STK26: variants seen among roughly 807,000 people sequenced by gnomAD.
STK26 encodes the protein serine/threonine kinase 26.
In STK26, 14 loss-of-function variants were observed where a neutral mutation model predicts 34.7. The ratio of observed to expected loss-of-function variants is 0.40; its 90% CI spans 0.27 to 0.63. The LOEUF is 0.63. Ranked by LOEUF, STK26 falls within the 30% of genes least tolerant of loss-of-function variation. The pLI is 0.38. For synonymous variants in STK26, 100 were observed against 109.8 expected (o/e 0.91, Z 0.56); for missense variants, 226 against 309.1 (o/e 0.73, Z 2.02).
At chrX:132,068,855 C>T (rs1047611314) in intron 6 of STK26, among the ~76,000 whole-genome samples, 1 of 111,013 alleles carries the variant, frequency 9.0e-6, no homozygotes, top group Non-Finnish European at 1.9e-5. Context: ...CCAGTCTTAT[C>T]TCCTACCACT....
rs142298324 is a variant in STK26, at chrX:132,030,463, G to C, written c.42+6804G>C. Among the ~76,000 whole-genome samples the C allele has an allele frequency of 7.3e-4, 81 of 111,305 alleles. No individual in the cohort carries two copies. The East Asian group carries it at 0.018, about 24-fold the overall frequency. On this transcript the variant is annotated intron_variant, in intron 2 of 11. Coordinates refer to ENST00000394334, the MANE Select transcript of STK26 (RefSeq NM_016542.4). Reference sequence around the variant, plus strand: ...TAAAAAACTGTTTTACTTCCTGTCTGAACTGTCACATTAGAAAGAATCTGA... The same window carrying C: ...TAAAAAACTGTTTTACTTCCTGTCTCAACTGTCACATTAGAAAGAATCTGA...
chrX:132,067,194 A>C (rs1927251703), intron 4 of STK26, among the ~76,000 whole-genome samples: 1 of 111,803 alleles, frequency 8.9e-6, no homozygotes, highest in Non-Finnish European at 1.9e-5. Flanking sequence ...TAAGCTGTTA[A>C]ATTTCAACAT....
At position 132,073,108 on chromosome X, in the gene STK26, T is replaced by C; in HGVS notation, c.1226+15T>C. ...AAATTTCAAAAGTAAGTTGGAAATG[T>C]CATTTTAAAAATTATTTTGCATTTT... On this transcript the variant is annotated intron_variant, in intron 11 of 11. Transcript: ENST00000394334. The C allele has an allele frequency of 8.5e-7, 1 of 1,174,950 alleles. No homozygotes were observed. The highest frequency in any genetic ancestry group is 2.5e-5 in the Admixed American group (1 of 39,725).
At chrX:132,044,688 T>TATAG (rs754725330) in intron 2 of STK26, among the ~76,000 whole-genome samples, 4 of 43,401 alleles carry the variant, frequency 9.2e-5, no homozygotes, top group Admixed American at 6.5e-4. Flanking sequence ...TATATATATA[T>TATAG]AGAGAGAGAG....
chrX:132,032,640 A>T (rs1415595362), intron 2 of STK26, among the ~76,000 whole-genome samples: 1 of 111,818 alleles, frequency 8.9e-6, no homozygotes, highest in African/African-American at 3.3e-5. Flanking sequence ...AAAGGACTGA[A>T]ATGCATTGAG....
At chrX:132,044,595 C>G (rs1034457591) in intron 2 of STK26, among the ~76,000 whole-genome samples, 1 of 96,960 alleles carries the variant, frequency 1.0e-5, no homozygotes, top group Non-Finnish European at 2.1e-5. Context: ...GGAATTTTCC[C>G]TTTGGAAACT....
At chrX:132,029,003 G>GCAGAAGACC (rs1319083161) in intron 2 of STK26, among the ~76,000 whole-genome samples, 1 of 112,455 alleles carries the variant, frequency 8.9e-6, no homozygotes, top group Non-Finnish European at 1.9e-5. Context: ...AATGATAATG[G>GCAGAAGACC]CAGAAGACCA....
chrX:132,051,111 A>G (rs1002042080), intron 2 of STK26, among the ~76,000 whole-genome samples: 1 of 111,836 alleles, frequency 8.9e-6, no homozygotes, highest in African/African-American at 3.3e-5. Context: ...TCTGTGGTTT[A>G]AGTATCCAAG....
Position 132,023,423 on chromosome X carries a change from G to C in STK26, c.-111+16G>C. ...CGCCAGAAAGGTAGACTGAGTCCCA[G>C]GGAGCTGCGCCGCTAACAGCCCACC... On this transcript the variant is annotated intron_variant, in intron 1 of 11. Coordinates refer to ENST00000394334, the MANE Select transcript of STK26 (RefSeq NM_016542.4). The C allele has an allele frequency of 1.8e-6, 1 of 566,803 alleles. No individual in the cohort carries two copies. Among genetic ancestry groups the C allele is most frequent in the Non-Finnish European group, 3.1e-6 (1 of 323,742 alleles). The allele number at this position is 566,803 out of a possible 1,213,427, so 46.7% of individuals were successfully genotyped here.
Position 132,023,671 on chromosome X carries a change from C to T in STK26, c.42+12C>T. ...TGCCTGGGATGCAGGTGAGGAAGCG[C>T]AGGCCGCCCCCGCCGCCCACGTGAC... is the stretch of plus-strand genomic sequence containing the variant. On this transcript the variant is annotated intron_variant, in intron 2 of 11. Coordinates refer to ENST00000394334, the MANE Select transcript of STK26 (RefSeq NM_016542.4). The T allele has an allele frequency of 8.5e-7, 1 of 1,176,847 alleles. No homozygotes were observed. The highest frequency in any genetic ancestry group is 1.7e-5 in the African/African-American group (1 of 57,179).
chrX:132,052,849 A>G (rs1926732669), intron 2 of STK26, among the ~76,000 whole-genome samples: 1 of 112,227 alleles, frequency 8.9e-6, no homozygotes, highest in Non-Finnish European at 1.9e-5. Context: ...TTATAACTGT[A>G]TCAGGAAAAC....
chrX:132,053,504 G>A (rs910145956), intron 2 of STK26, among the ~76,000 whole-genome samples: 1 of 111,680 alleles, frequency 9.0e-6, no homozygotes, highest in Non-Finnish European at 1.9e-5. Flanking sequence ...TGCCCTCTTT[G>A]TCTAATAAAG....
chrX:132,039,259 TTTC>T (rs941807012), intron 2 of STK26, among the ~76,000 whole-genome samples: 1 of 111,840 alleles, frequency 8.9e-6, no homozygotes, highest in African/African-American at 3.2e-5. Flanking sequence ...TTTTAAAAAA[TTTC>T]TTTAACTGAA....
At chrX:132,044,797 AGAGAGAGATC>A (rs1280657183) in intron 2 of STK26, among the ~76,000 whole-genome samples, 10 of 39,798 alleles carry the variant, frequency 2.5e-4, no homozygotes, top group African/African-American at 3.6e-4. Context: ...TTATATATAT[AGAGAGAGATC>A]TATATATATA....
chrX:132,025,359 G>C (rs1263948386), intron 2 of STK26, among the ~76,000 whole-genome samples: 1 of 111,731 alleles, frequency 9.0e-6, no homozygotes, highest in Non-Finnish European at 1.9e-5. Context: ...TCTGTGTGCT[G>C]AGGGGAAAAT....
chrX:132,027,746 C>T (rs1356268403), intron 2 of STK26, among the ~76,000 whole-genome samples: 2 of 111,715 alleles, frequency 1.8e-5, no homozygotes, highest in Non-Finnish European at 3.8e-5. Context: ...GTAAGGGAGA[C>T]TCAATGTACC....
At chrX:132,026,277 C>G (rs143783149) in intron 2 of STK26, among the ~76,000 whole-genome samples, 596 of 111,729 alleles carry the variant, frequency 5.3e-3, no homozygotes, top group African/African-American at 0.019. Flanking sequence ...GAAAGAAAAC[C>G]CAGGATTTCG....
At chrX:132,060,472 G>GT (rs1358474878) in intron 3 of STK26, among the ~76,000 whole-genome samples, 2 of 110,718 alleles carry the variant, frequency 1.8e-5, no homozygotes, top group East Asian at 5.6e-4. Flanking sequence ...TGTGCTGTAT[G>GT]TTTTTTTTAA....
At chrX:132,027,641 A>G (rs1038306968) in intron 2 of STK26, among the ~76,000 whole-genome samples, 2 of 111,450 alleles carry the variant, frequency 1.8e-5, no homozygotes, top group South Asian at 7.6e-4. Context: ...ATGATACATG[A>G]TAAGGTCGGA....
Sources: allele counts gnomAD v4.1 joint callset (sites outside exome capture counted in the v4.1 genomes callset), GRCh38; gene constraint gnomAD v4.1.1; transcripts MANE v1.5; gene names NCBI Gene and HGNC (gene_info 2026-07-23, HGNC 2026-07-21).